The following ZNF532 variants were observed in gnomAD, a reference collection of about 807,000 sequenced individuals.
ZNF532 encodes the protein zinc finger protein 532.
A neutral mutation model predicts 89.3 loss-of-function variants in ZNF532; 22 were observed. The ratio of observed to expected loss-of-function variants is 0.25; its 90% confidence interval spans 0.18 to 0.35. ZNF532 has a LOEUF of 0.35. Among genes scored for constraint, ZNF532 ranks in the 10% least tolerant of loss-of-function variants. The pLI is 1.00. For missense variants in ZNF532, 1,132 were observed against 1,643.4 expected, an observed-to-expected ratio of 0.69 and a Z score of 5.38; for synonymous variants, 606 against 649.6, an observed-to-expected ratio of 0.93 and a Z score of 1.02.
At chr18:58,865,647 C>T (rs1303171715) in intron 2 of ZNF532, 68 bp downstream of exon 2, 3 of 152,522 alleles carry the variant, frequency 2.0e-5, no homozygotes, top group Admixed American at 6.6e-5. Context: ...ACAGACGGAC[C>T]GTGGATTGCT....
intron 6 of ZNF532, chr18:58,953,066 T>C (rs2064380252): frequency 6.5e-6 from 1 of 154,532 alleles, no homozygotes; most frequent in African/African-American, 2.4e-5. Context: ...TTTACTAACG[T>C]ATTGATCTTA....
intron 2 of ZNF532, among the ~76,000 whole-genome samples, chr18:58,895,874 A>G (rs1191182904): frequency 6.8e-6 from 1 of 146,224 alleles, no homozygotes; most frequent in African/African-American, 2.6e-5. Context: ...TTTTTTTGAG[A>G]TGGTCTCACT....
chr18:58,940,172 C>G (rs974831346), intron 5 of ZNF532: 2 of 152,180 alleles, frequency 1.3e-5, no homozygotes, highest in Non-Finnish European at 2.9e-5. Flanking sequence ...GGATTACAGG[C>G]GTGAGCCACG....
intron 7 of ZNF532, among the ~76,000 whole-genome samples, chr18:58,971,971 A>G (rs992313924): frequency 1.3e-5 from 2 of 152,240 alleles, no homozygotes; most frequent in African/African-American, 4.8e-5. Flanking sequence ...TGGGAGGCTG[A>G]GGCGGGTAGA....
At chr18:58,976,178 C>T (rs1386181217) in intron 7 of ZNF532, among the ~76,000 whole-genome samples, 1 of 152,098 alleles carries the variant, frequency 6.6e-6, no homozygotes, top group Non-Finnish European at 1.5e-5. Context: ...TTCTTGTCAC[C>T]AGTGAATTGG....
chr18:58,892,282 T>C (rs2058956359), intron 2 of ZNF532, among the ~76,000 whole-genome samples: 2 of 152,236 alleles, frequency 1.3e-5, no homozygotes, highest in Admixed American at 1.3e-4. Context: ...GTTACTTGCT[T>C]TGGCTTTAAA....
Position 58,920,107 on chromosome 18 carries a change from C to T in ZNF532, c.1820C>T (p.Ala607Val), listed in dbSNP as rs1240268492. The T allele has an allele frequency of 3.1e-6, 5 of 1,613,992 alleles. No individual in the cohort carries two copies. In the South Asian group the frequency reaches 5.5e-5, roughly 18 times the overall value. Residue 607 changes from alanine (A) to valine (V), a missense_variant, in exon 3 of 10, where the codon GCA (alanine) becomes GTA (valine). Physicochemically the swap from Ala to Val is moderately conservative, Grantham distance 64. This residue lies in a region of ZNF532 where 70 missense variants were observed against 152.1 expected (regional missense o/e 0.46). Transcript: ENST00000591808. ...YIPNLSPPAN[A>V]GITLPTRGYK... ...CCAAACCTCAGTCCTCCCGCCAATGCAGGGATCACGTTACCGACGCGTGGG... is the reference window on the plus strand; with the variant it reads ...CCAAACCTCAGTCCTCCCGCCAATGTAGGGATCACGTTACCGACGCGTGGG...
At chr18:58,941,466 C>T (rs935328960) in intron 5 of ZNF532, among the ~76,000 whole-genome samples, 1 of 118,836 alleles carries the variant, frequency 8.4e-6, no homozygotes, top group African/African-American at 3.2e-5. Flanking sequence ...TTCTCTCTCT[C>T]TCTTTTTTTT....
intron 2 of ZNF532, among the ~76,000 whole-genome samples, chr18:58,888,113 G>T (rs2058431895): frequency 2.0e-5 from 3 of 152,076 alleles, no homozygotes; most frequent in Non-Finnish European, 2.9e-5. Context: ...ATATTTTAAA[G>T]GAATTTACTC....
At chr18:58,956,381 G>A (rs1341233246) in intron 7 of ZNF532, among the ~76,000 whole-genome samples, 3 of 152,220 alleles carry the variant, frequency 2.0e-5, no homozygotes, top group Non-Finnish European at 4.4e-5. Context: ...AGCCTCCTGA[G>A]AGAATGAAGG....
chr18:58,969,236 T>C (rs559912655), intron 7 of ZNF532, among the ~76,000 whole-genome samples: 1 of 152,268 alleles, frequency 6.6e-6, no homozygotes, highest in African/African-American at 2.4e-5. Context: ...GTCTTACTGC[T>C]TGGCAGGAGG....
chr18:58,904,821 T>C (rs193162236), intron 2 of ZNF532, among the ~76,000 whole-genome samples: 368 of 151,994 alleles, frequency 2.4e-3, no homozygotes, highest in Middle Eastern at 6.8e-3. Flanking sequence ...TGCAAACTTT[T>C]GAAATTCTAT....
At position 58,937,269 on chromosome 18, in the gene ZNF532, G is replaced by C. The variant is rs748417961; in HGVS notation, c.2529-2176G>C. On this transcript the variant is annotated intron_variant, in intron 4 of 9. Coordinates refer to ENST00000591808, the MANE Select transcript of ZNF532 (RefSeq NM_001375912.1). Reference sequence around the variant, plus strand: ...ATAGCATTAAGATACTGCATGAGCCGTTTGAAGTCTGCCTTTCTTTGTCTT... The same window carrying C: ...ATAGCATTAAGATACTGCATGAGCCCTTTGAAGTCTGCCTTTCTTTGTCTT... Among the ~76,000 whole-genome samples, 87 of 152,258 alleles carry C rather than the reference G, an allele frequency of 5.7e-4. 2 individuals carry two copies. Among genetic ancestry groups the C allele is most frequent in the Admixed American group, 5.5e-3 (84 of 15,286 alleles).
At chr18:58,903,799 C>A (rs1402543401) in intron 2 of ZNF532, among the ~76,000 whole-genome samples, 1 of 152,122 alleles carries the variant, frequency 6.6e-6, no homozygotes, top group African/African-American at 2.4e-5. Context: ...CAGATTTGAA[C>A]CTCTCTGAAG....
chr18:58,869,771 T>C (rs1279742823), intron 2 of ZNF532, among the ~76,000 whole-genome samples: 1 of 149,594 alleles, frequency 6.7e-6, no homozygotes, highest in Non-Finnish European at 1.5e-5. Flanking sequence ...TGTTTTTTTT[T>C]TTTTTTTTTT....
chr18:58,889,709 G>A (rs1187947767), intron 2 of ZNF532, among the ~76,000 whole-genome samples: 2 of 152,036 alleles, frequency 1.3e-5, no homozygotes, highest in African/African-American at 4.8e-5. Flanking sequence ...GGGGGTGGAG[G>A]TTGCGGTGAG....
At position 58,875,931 on chromosome 18, in the gene ZNF532, C is replaced by CTTTTT. The variant is rs71173091; in HGVS notation, c.-18+10367_-18+10371dup. Among the ~76,000 whole-genome samples, 167 of 112,824 alleles carry CTTTTT rather than the reference C, an allele frequency of 1.5e-3. 7 individuals carry two copies. Among genetic ancestry groups the CTTTTT allele is most frequent in the South Asian group, 1.9e-3 (6 of 3,086 alleles). The allele number at this position is 112,824 out of a possible 152,430, so 74.0% of individuals were successfully genotyped here. A position where few individuals can be genotyped will look rare whatever the true frequency, so the allele number is the denominator to read the frequency against. On this transcript the variant is annotated intron_variant, in intron 2 of 9. Coordinates refer to ENST00000591808, the MANE Select transcript of ZNF532 (RefSeq NM_001375912.1). ...GTTTGCATACAAATCACTTGGGGAT[C>CTTTTT]TTTTTTTTTTTTTTTTTTTGAGACA...
intron 2 of ZNF532, among the ~76,000 whole-genome samples, chr18:58,883,905 G>A (rs2058097584): frequency 6.6e-6 from 1 of 152,144 alleles, no homozygotes; most frequent in African/African-American, 2.4e-5. Flanking sequence ...AACTTCAGGG[G>A]ATGAAAATTG....
At chr18:58,877,788 A>AAT (rs1458210873) in intron 2 of ZNF532, among the ~76,000 whole-genome samples, 13 of 152,274 alleles carry the variant, frequency 8.5e-5, no homozygotes, top group African/African-American at 3.1e-4. Context: ...GGTTTGGAAG[A>AAT]ATAGGGACAA....
Sources: gnomAD v4.1 joint callset for allele counts (sites outside exome capture counted in the v4.1 genomes callset) on GRCh38, gnomAD v4.1.1 for gene constraint, gnomAD v4.1.1 regional missense constraint, MANE v1.5 for transcripts, NCBI Gene and HGNC (gene_info 2026-07-23, HGNC 2026-07-21) for gene names.